The following NT5C2 variants were observed in gnomAD, a reference collection of about 807,000 sequenced individuals.
The protein encoded by NT5C2 is 5'-nucleotidase, cytosolic II.
A neutral mutation model predicts 76.1 loss-of-function variants in NT5C2; 58 were observed. The ratio of observed to expected loss-of-function variants is 0.76; its 90% confidence interval spans 0.62 to 0.95. The LOEUF is 0.95. Ranked by LOEUF, NT5C2 falls within the 40% of genes least tolerant of loss-of-function variation. The pLI is 0.00. For missense variants in NT5C2, 478 were observed against 690.3 expected, an observed-to-expected ratio of 0.69 and a Z score of 3.45; for synonymous variants, 229 against 237.4, an observed-to-expected ratio of 0.96 and a Z score of 0.32.
At position 103,101,305 on chromosome 10, in the gene NT5C2, A is replaced by G. The variant is rs535949268; in HGVS notation, c.411T>C (p.Tyr137=). 2.5e-6 allele frequency: 4 copies of G among 1,604,792 alleles called. No homozygotes were observed. The South Asian group carries it at 3.3e-5, about 13-fold the overall frequency. ...FIRGPETREQ[Y]PNKFIQRDDT... Reference sequence around the variant, plus strand: ...CATCTCGCTGGATAAATTTATTTGGATACTGTTCTCTAGTTTCTGGTCTGA... The same window carrying G: ...CATCTCGCTGGATAAATTTATTTGGGTACTGTTCTCTAGTTTCTGGTCTGA... The change falls in exon 7 of 19, where the codon TAT becomes TAC. Residue 137 remains tyrosine, a synonymous_variant. Coordinates refer to ENST00000404739, the MANE Select transcript of NT5C2 (RefSeq NM_001351169.2).
chr10:103,124,765 C>T (rs2076353263), intron 4 of NT5C2, among the ~76,000 whole-genome samples: 1 of 151,822 alleles, frequency 6.6e-6, no homozygotes, highest in Non-Finnish European at 1.5e-5. Flanking sequence ...TCTACCACAC[C>T]ATGAGGTTTT....
intron 3 of NT5C2, among the ~76,000 whole-genome samples, chr10:103,150,396 G>T (rs940973669): frequency 6.6e-6 from 1 of 152,024 alleles, no homozygotes; most frequent in East Asian, 1.9e-4. Flanking sequence ...TTCATTGTAT[G>T]GATATACCAC....
rs1207958047 is a variant in NT5C2, at chr10:103,088,319, A to C, written c.*1353T>G. On this transcript the variant is annotated 3_prime_UTR_variant, in exon 19 of 19. Coordinates refer to ENST00000404739, the MANE Select transcript of NT5C2 (RefSeq NM_001351169.2). ...TTCACTGTACTGGTGAAACAGTTTT[A>C]ATACCCTAACATACACAGTAATGAT... 1 of 152,266 alleles carries C rather than the reference A, an allele frequency of 6.6e-6. No individual in the cohort carries two copies. Among genetic ancestry groups the C allele is most frequent in the Non-Finnish European group, 1.5e-5 (1 of 68,046 alleles). The allele number at this position is 152,266 out of a possible 1,614,324, so 9.4% of individuals were successfully genotyped here. A position where few individuals can be genotyped will look rare whatever the true frequency, so the allele number is the denominator to read the frequency against.
chr10:103,130,140 A>AC (rs2077827689), intron 4 of NT5C2, among the ~76,000 whole-genome samples: 1 of 151,940 alleles, frequency 6.6e-6, no homozygotes, highest in South Asian at 2.1e-4. Flanking sequence ...AAAGATTGAG[A>AC]AATCGGATGG....
chr10:103,141,223 G>A (rs989497844), intron 3 of NT5C2, among the ~76,000 whole-genome samples: 10 of 152,170 alleles, frequency 6.6e-5, no homozygotes, highest in Non-Finnish European at 1.3e-4. Context: ...TTGAGAGGCC[G>A]AGGCAGGCAG....
intron 4 of NT5C2, among the ~76,000 whole-genome samples, chr10:103,120,378 T>C (rs2075409500): frequency 6.6e-6 from 1 of 151,974 alleles, no homozygotes; most frequent in South Asian, 2.1e-4. Context: ...TATTTGCAAA[T>C]TGTGTATCTG....
intron 4 of NT5C2, among the ~76,000 whole-genome samples, chr10:103,123,066 A>G (rs965007890): frequency 4.6e-5 from 7 of 152,074 alleles, no homozygotes; most frequent in Admixed American, 4.6e-4. Context: ...TGGGAAGGAA[A>G]GATATTTCTT....
At chr10:103,104,827 T>G (rs1190744157) in intron 6 of NT5C2, among the ~76,000 whole-genome samples, 1 of 152,234 alleles carries the variant, frequency 6.6e-6, no homozygotes, top group Non-Finnish European at 1.5e-5. Flanking sequence ...AACATTTCAA[T>G]GTAGCCTGGT....
At chr10:103,155,801 A>G (rs1272319965) in intron 3 of NT5C2, among the ~76,000 whole-genome samples, 1 of 152,208 alleles carries the variant, frequency 6.6e-6, no homozygotes, top group Admixed American at 6.5e-5. Flanking sequence ...TGGCGGGGTT[A>G]GAATTTATCC....
rs367673081 is a variant in NT5C2 at position 103,090,791 on chromosome 10, A to G, written c.1273-4T>C. The stretch of plus-strand genomic sequence containing the variant: ...TGTCCATGTCATGAGTTACTTTCTA[A>G]AACAAAGAACAAGATTGATTCTTGG... On this transcript the variant is annotated splice_polypyrimidine_tract_variant and splice_region_variant and intron_variant, in intron 17 of 18. Coordinates refer to ENST00000404739, the MANE Select transcript of NT5C2 (RefSeq NM_001351169.2). The G allele has an allele frequency of 1.2e-5, 20 of 1,613,672 alleles. No individual in the cohort carries two copies. Among genetic ancestry groups the G allele is most frequent in the African/African-American group, 2.7e-5 (2 of 74,914 alleles).
intron 3 of NT5C2, among the ~76,000 whole-genome samples, chr10:103,142,380 A>G (rs550598091): frequency 6.6e-6 from 1 of 152,320 alleles, no homozygotes; most frequent in South Asian, 2.1e-4. Context: ...AGTTTTAATC[A>G]TCTTTAAAAA....
At chr10:103,115,457 A>G (rs2074118256) in intron 4 of NT5C2, among the ~76,000 whole-genome samples, 1 of 152,204 alleles carries the variant, frequency 6.6e-6, no homozygotes, top group Non-Finnish European at 1.5e-5. Context: ...ATTCATCTTA[A>G]TAACTTCACT....
At chr10:103,184,185 C>T (rs1175101672) in intron 1 of NT5C2, among the ~76,000 whole-genome samples, 2 of 151,852 alleles carry the variant, frequency 1.3e-5, no homozygotes, top group African/African-American at 4.8e-5. Flanking sequence ...TTCCTGACCT[C>T]AAGTGATCCA....
At chr10:103,094,673 G>A (rs1041320028) in intron 12 of NT5C2, 45 of 460,416 alleles carry the variant, frequency 9.8e-5, no homozygotes, top group East Asian at 1.6e-4. Flanking sequence ...CACAAGGTCC[G>A]GAAATCAAGA....
At chr10:103,164,430 G>A (rs1310016308) in intron 3 of NT5C2, among the ~76,000 whole-genome samples, 1 of 151,886 alleles carries the variant, frequency 6.6e-6, no homozygotes, top group Non-Finnish European at 1.5e-5. Flanking sequence ...GCTAATTTTT[G>A]TATATTTAGT....
At chr10:103,116,316 T>C (rs2074317535) in intron 4 of NT5C2, among the ~76,000 whole-genome samples, 1 of 152,204 alleles carries the variant, frequency 6.6e-6, no homozygotes, top group Non-Finnish European at 1.5e-5. Context: ...CTTCCCTAAC[T>C]TATTCTCACC....
chr10:103,171,923 G>T (rs1316028703), intron 3 of NT5C2, among the ~76,000 whole-genome samples: 1 of 151,862 alleles, frequency 6.6e-6, no homozygotes, highest in Non-Finnish European at 1.5e-5. Flanking sequence ...TAAAATACAG[G>T]TTAAGGCCGG....
Position 103,094,439 on chromosome 10 carries a change from C to T in NT5C2, c.830G>A (p.Arg277Gln), listed in dbSNP as rs774639543. 11 of 1,611,534 alleles carry T rather than the reference C, an allele frequency of 6.8e-6. No homozygotes were observed. In the African/African-American group the frequency reaches 8.0e-5, roughly 12 times the overall value. The change falls in exon 13 of 19, where the codon CGA (arginine) becomes CAA (glutamine). Residue 277 changes from arginine (R) to glutamine (Q), a missense_variant. Arg to Gln is a conservative substitution (Grantham distance 43, BLOSUM62 1). Coordinates refer to ENST00000404739, the MANE Select transcript of NT5C2 (RefSeq NM_001351169.2). Reference sequence around the variant, plus strand: ...CAAGTCAAAGTAGGACTGCCATGGTCGATGGGAGCTCCCAGGCTGGTGAAG... The same window carrying T: ...CAAGTCAAAGTAGGACTGCCATGGTTGATGGGAGCTCCCAGGCTGGTGAAG... ...PHGPKPGSSH[R>Q]PWQSYFDLIL...
chr10:103,148,496 C>T lies in NT5C2; in HGVS notation c.102-9017G>A, dbSNP rs140644073. ...GGTGCCTGCTGTAGTCCCAGCTACT[C>T]GGGAGTCTAAGGCAGGAGAATGGCG... On this transcript the variant is annotated intron_variant, in intron 3 of 18. Coordinates refer to ENST00000404739, the MANE Select transcript of NT5C2 (RefSeq NM_001351169.2). 4.1e-3 allele frequency among the ~76,000 whole-genome samples: 616 copies of T among 151,744 alleles called. 20 individuals carry two copies. The East Asian group carries it at 0.072, about 18-fold the overall frequency.
Sources: gnomAD v4.1 joint callset for allele counts (sites outside exome capture counted in the v4.1 genomes callset) on GRCh38, gnomAD v4.1.1 for gene constraint, MANE v1.5 for transcripts, NCBI Gene and HGNC (gene_info 2026-07-23, HGNC 2026-07-21) for gene names.